SEC24D: variants seen among roughly 807,000 people sequenced by gnomAD.
The protein encoded by SEC24D is SEC24 homolog D, COPII component, also known as protein transport protein Sec24D.
SEC24D carries 69 observed loss-of-function variants against 116.9 expected under a neutral mutation model. That is an observed-to-expected ratio of 0.59 (90% CI 0.49 to 0.72). SEC24D has a LOEUF of 0.72. Ranked by LOEUF, SEC24D falls within the 30% of genes least tolerant of loss-of-function variation. SEC24D has a pLI of 0.00. For missense variants in SEC24D, 1,131 were observed against 1,264.1 expected (o/e 0.89, Z 1.60); for synonymous variants, 405 against 442.8 (o/e 0.91, Z 1.07).
chr4:118,782,571 G>A (rs1171811391), intron 8 of SEC24D, among the ~76,000 whole-genome samples: 1 of 152,238 alleles, frequency 6.6e-6, no homozygotes, highest in African/African-American at 2.4e-5. Context: ...CCCACATGAG[G>A]AGGCAGTCTG....
intron 10 of SEC24D, 65 bp from the exon 11 acceptor site, chr4:118,757,910 C>T: frequency 7.7e-7 from 1 of 1,307,128 alleles, no homozygotes; most frequent in East Asian, 2.5e-5. Flanking sequence ...TGTCAATACT[C>T]ATTAGAAACT....
At chr4:118,806,274 T>C (rs963084753) in intron 6 of SEC24D, among the ~76,000 whole-genome samples, 1 of 152,228 alleles carries the variant, frequency 6.6e-6, no homozygotes, top group African/African-American at 2.4e-5. Context: ...CAGAGAACTT[T>C]ATTTTTATCC....
Position 118,740,990 on chromosome 4 carries a change from A to C in SEC24D, c.2043T>G (p.Ile681Met), listed in dbSNP as rs1339366438. ...QQFLNDLRND[I>M]EKKIGFDAIM... ...TAGCATCAAAGCCTATTTTCTTTTCAATATCATTTCTGAGGTCGTTCAAAA... is the reference window on the plus strand; with the variant it reads ...TAGCATCAAAGCCTATTTTCTTTTCCATATCATTTCTGAGGTCGTTCAAAA... The change falls in exon 16 of 23, where the codon ATT (isoleucine) becomes ATG (methionine). Residue 681 changes from isoleucine (I) to methionine (M), a missense_variant. By Grantham distance (10) the Ile-to-Met change is conservative. Coordinates refer to ENST00000280551, the MANE Select transcript of SEC24D (RefSeq NM_014822.4). 3.1e-6 allele frequency: 5 copies of C among 1,594,982 alleles called. No homozygotes were observed. The highest frequency in any genetic ancestry group is 4.3e-6 in the Non-Finnish European group (5 of 1,168,764).
intron 22 of SEC24D, among the ~76,000 whole-genome samples, chr4:118,727,349 G>C (rs1253311929): frequency 6.6e-6 from 1 of 152,156 alleles, no homozygotes. Flanking sequence ...CTCACCCCCA[G>C]ATGGTTTTAT....
At chr4:118,762,386 A>G (rs1314755090) in intron 10 of SEC24D, among the ~76,000 whole-genome samples, 2 of 152,142 alleles carry the variant, frequency 1.3e-5, no homozygotes, top group South Asian at 2.1e-4. Context: ...GCGGTCTCTA[A>G]GCCTAAGTTT....
At position 118,767,239 on chromosome 4, in the gene SEC24D, C is replaced by T. The variant is rs141673808; in HGVS notation, c.1180+934G>A. Among the ~76,000 whole-genome samples the T allele has an allele frequency of 1.9e-3, 282 of 152,306 alleles. 2 individuals carry two copies. The highest frequency in any genetic ancestry group is 6.6e-3 in the African/African-American group (273 of 41,566). ...GGCAGGGAAATAAGAAGGCAAGCAA[C>T]GCTCTCCCACCAGAGAATGCTCACA... On this transcript the variant is annotated intron_variant, in intron 9 of 22. Transcript: ENST00000280551.
chr4:118,770,433 T>C (rs372977125), intron 8 of SEC24D, among the ~76,000 whole-genome samples: 1 of 152,324 alleles, frequency 6.6e-6, no homozygotes, highest in African/African-American at 2.4e-5. Context: ...TTCCTCTGGA[T>C]TAAAAGTACA....
chr4:118,816,868 A>G (rs1353392384), intron 4 of SEC24D: 1 of 453,454 alleles, frequency 2.2e-6, no homozygotes, highest in South Asian at 1.6e-5. Flanking sequence ...CATAATTAAA[A>G]TGCACTGTGA....
At chr4:118,795,539 C>T (rs1327907684) in intron 8 of SEC24D, among the ~76,000 whole-genome samples, 13 of 151,926 alleles carry the variant, frequency 8.6e-5, no homozygotes, top group Admixed American at 5.9e-4. Flanking sequence ...CAAGGTGTGG[C>T]GGTATGCTCA....
intron 8 of SEC24D, among the ~76,000 whole-genome samples, chr4:118,794,293 A>G (rs1212865262): frequency 1.3e-5 from 2 of 152,186 alleles, no homozygotes; most frequent in African/African-American, 4.8e-5. Context: ...TGATAACAAG[A>G]AGGTTCCAGA....
chr4:118,745,101 G>GT, intron 13 of SEC24D, 41 bp from the exon 14 acceptor site: 1 of 1,072,554 alleles, frequency 9.3e-7, no homozygotes, highest in Non-Finnish European at 1.4e-6. Context: ...AGAAAATGCC[G>GT]TGAGTAGGAA....
chr4:118,830,164 G>C (rs1237399818), intron 2 of SEC24D, among the ~76,000 whole-genome samples: 1 of 152,238 alleles, frequency 6.6e-6, no homozygotes, highest in Non-Finnish European at 1.5e-5. Context: ...TTTGCAGAGA[G>C]TATAATAGCC....
At chr4:118,768,405 T>TC (rs1203075056) in intron 8 of SEC24D, 94 bp from the exon 9 acceptor site, 17 of 1,077,152 alleles carry the variant, frequency 1.6e-5, no homozygotes, top group Admixed American at 2.6e-5. Context: ...TTTTTTTTTT[T>TC]TTTTTTTGAG....
chr4:118,752,589 G>C, intron 12 of SEC24D, 108 bp downstream of exon 12: 1 of 731,172 alleles, frequency 1.4e-6, no homozygotes, highest in Non-Finnish European at 2.2e-6. Context: ...TCTGTGTCTT[G>C]AAACCCCCTT....
At chr4:118,785,881 C>T (rs1728646848) in intron 8 of SEC24D, among the ~76,000 whole-genome samples, 2 of 152,152 alleles carry the variant, frequency 1.3e-5, no homozygotes, top group South Asian at 4.1e-4. Flanking sequence ...GCCTGAAGTT[C>T]TCATACTTCT....
chr4:118,726,137 C>T (rs1725397974), intron 22 of SEC24D, among the ~76,000 whole-genome samples: 1 of 152,154 alleles, frequency 6.6e-6, no homozygotes, highest in African/African-American at 2.4e-5. Flanking sequence ...GCTTCAAAAG[C>T]CAATCTCATC....
chr4:118,818,890 A>G (rs1008456580), intron 3 of SEC24D, among the ~76,000 whole-genome samples: 1 of 152,256 alleles, frequency 6.6e-6, no homozygotes, highest in South Asian at 2.1e-4. Context: ...ACTGTTAAAC[A>G]AAACTATCCA....
At chr4:118,780,683 C>G (rs976610689) in intron 8 of SEC24D, among the ~76,000 whole-genome samples, 4 of 150,690 alleles carry the variant, frequency 2.7e-5, no homozygotes, top group African/African-American at 9.7e-5. Flanking sequence ...ATTGATCTGT[C>G]TAAAAAGTCT....
At chr4:118,818,507 GAAT>G (rs1428016592) in intron 3 of SEC24D, among the ~76,000 whole-genome samples, 1 of 152,118 alleles carries the variant, frequency 6.6e-6, no homozygotes, top group Non-Finnish European at 1.5e-5. Flanking sequence ...TGTTTAAATT[GAAT>G]AATTATTATA....
Sources: gnomAD v4.1 joint callset for allele counts (sites outside exome capture counted in the v4.1 genomes callset) on GRCh38, gnomAD v4.1.1 for gene constraint, MANE v1.5 for transcripts, NCBI Gene and HGNC (gene_info 2026-07-23, HGNC 2026-07-21) for gene names.